CSMD2: variants seen among roughly 807,000 people sequenced by gnomAD.
CSMD2 encodes the protein CUB and Sushi multiple domains 2, also known as CUB and sushi domain-containing protein 2.
A neutral mutation model predicts 398.5 loss-of-function variants in CSMD2; 130 were observed. The observed-to-expected ratio is 0.33, with a 90% CI of 0.28 to 0.38. The LOEUF (loss-of-function observed/expected upper bound fraction) is 0.38. CSMD2 is among the 10% of genes least tolerant of loss of function. The pLI, the probability that CSMD2 is intolerant of heterozygous loss-of-function variation, is 1.00. For missense variants in CSMD2, 3,829 were observed against 4,764.9 expected (o/e 0.80, Z 5.78); for synonymous variants, 1,828 against 1,908.5 (o/e 0.96, Z 1.10).
At chr1:34,093,237 T>C (rs1454995579) in intron 1 of CSMD2, among the ~76,000 whole-genome samples, 3 of 152,002 alleles carry the variant, frequency 2.0e-5, no homozygotes, top group African/African-American at 7.2e-5. Context: ...GAAAGGACAT[T>C]CACAACAAAA....
At chr1:33,550,847 T>C (rs1010860147) in intron 55 of CSMD2, among the ~76,000 whole-genome samples, 4 of 152,170 alleles carry the variant, frequency 2.6e-5, no homozygotes, top group African/African-American at 9.7e-5. Flanking sequence ...TTCCCTTTAC[T>C]AAAATACTGA....
At chr1:33,667,019 G>GT (rs1644340380) in intron 25 of CSMD2, among the ~76,000 whole-genome samples, 1 of 152,206 alleles carries the variant, frequency 6.6e-6, no homozygotes, top group Admixed American at 6.5e-5. Context: ...AGGTGAAGCT[G>GT]TCCGGGAAGA....
At chr1:33,591,902 T>G (rs996464707) in intron 44 of CSMD2, 4 of 164,696 alleles carry the variant, frequency 2.4e-5, no homozygotes, top group African/African-American at 9.6e-5. Flanking sequence ...GAGTATACAC[T>G]TTAAATTTAT....
At chr1:33,691,090 G>T (rs900698617) in intron 25 of CSMD2, among the ~76,000 whole-genome samples, 1 of 152,106 alleles carries the variant, frequency 6.6e-6, no homozygotes, top group African/African-American at 2.4e-5. Context: ...TCCAGAGGAA[G>T]GGCAGAGTAG....
chr1:33,651,924 T>TG (rs375591238), intron 28 of CSMD2, among the ~76,000 whole-genome samples: 81 of 151,116 alleles, frequency 5.4e-4, no homozygotes, highest in East Asian at 9.8e-4. Context: ...GGAGCTAGAT[T>TG]GGGGGGGGTG....
chr1:34,060,163 A>C lies in CSMD2; in HGVS notation c.405-27457T>G, dbSNP rs572134577. The stretch of plus-strand genomic sequence containing the variant: ...AGAGGAAAAGGAGGACCAGCCAAGA[A>C]CAGTCCCCTGGGTCAGGGGAATGAA... On this transcript the variant is annotated intron_variant, in intron 2 of 70. Coordinates refer to ENST00000373381, the MANE Select transcript of CSMD2 (RefSeq NM_001281956.2). Among the ~76,000 whole-genome samples the C allele has an allele frequency of 3.8e-4, 58 of 152,288 alleles. No individual in the cohort carries two copies. The Middle Eastern group carries it at 0.01, about 27-fold the overall frequency.
intron 3 of CSMD2, among the ~76,000 whole-genome samples, chr1:33,996,555 C>G (rs1646732471): frequency 6.6e-6 from 1 of 152,190 alleles, no homozygotes; most frequent in Non-Finnish European, 1.5e-5. Flanking sequence ...GACCCAGGAG[C>G]TTGCATGGAC....
intron 3 of CSMD2, among the ~76,000 whole-genome samples, chr1:33,997,652 T>TGA (rs1209777746): frequency 6.6e-6 from 1 of 152,148 alleles, no homozygotes; most frequent in Non-Finnish European, 1.5e-5. Context: ...ACAAACGTGC[T>TGA]GAGAGCTCAT....
chr1:33,784,940 C>T (rs1047989952), intron 12 of CSMD2, among the ~76,000 whole-genome samples: 1 of 152,196 alleles, frequency 6.6e-6, no homozygotes, highest in East Asian at 1.9e-4. Context: ...TGGGACCACA[C>T]TGGGATTTAC....
chr1:33,716,206 G>A, intron 20 of CSMD2, 80 bp downstream of exon 20: 1 of 1,212,982 alleles, frequency 8.2e-7, no homozygotes, highest in Non-Finnish European at 1.2e-6. Context: ...TATCTGCTAG[G>A]AAAACCAGAG....
intron 1 of CSMD2, among the ~76,000 whole-genome samples, chr1:34,139,553 G>C (rs1230122322): frequency 6.6e-6 from 1 of 152,186 alleles, no homozygotes; most frequent in East Asian, 1.9e-4. Flanking sequence ...ATAGGCTTCA[G>C]ATTTTTGTGG....
At chr1:33,743,835 A>G (rs942069499) in intron 13 of CSMD2, among the ~76,000 whole-genome samples, 2 of 152,198 alleles carry the variant, frequency 1.3e-5, no homozygotes, top group South Asian at 4.1e-4. Context: ...CAGACATGGC[A>G]GAACTGGTCT....
intron 52 of CSMD2, among the ~76,000 whole-genome samples, chr1:33,568,433 C>A (rs866083053): frequency 6.6e-6 from 1 of 152,174 alleles, no homozygotes; most frequent in African/African-American, 2.4e-5. Flanking sequence ...ATGATCCACC[C>A]GCCTTTGCTT....
chr1:33,821,047 C>CA (rs1658086334), intron 7 of CSMD2, among the ~76,000 whole-genome samples: 2 of 152,278 alleles, frequency 1.3e-5, no homozygotes, highest in South Asian at 4.1e-4. Context: ...AAGCTGCAGT[C>CA]AAAGTTCAAA....
intron 1 of CSMD2, among the ~76,000 whole-genome samples, chr1:34,115,639 A>G (rs1366294576): frequency 2.0e-5 from 3 of 152,158 alleles, no homozygotes; most frequent in African/African-American, 4.8e-5. Context: ...ACAAAAATAT[A>G]TAACTCTCTA....
At chr1:33,716,210 A>C in intron 20 of CSMD2, 76 bp downstream of exon 20, 1 of 1,254,634 alleles carries the variant, frequency 8.0e-7, no homozygotes, top group East Asian at 2.3e-5. Flanking sequence ...TGCTAGGAAA[A>C]CCAGAGACTG....
Position 33,527,237 on chromosome 1 carries a change from G to T in CSMD2, c.10193C>A (p.Pro3398His), listed in dbSNP as rs762794065. 4 of 1,613,818 alleles carry T rather than the reference G, an allele frequency of 2.5e-6. No homozygotes were observed. The highest frequency in any genetic ancestry group is 3.4e-6 in the Non-Finnish European group (4 of 1,179,898). ...CGGTGGCTCCCGGGCAGTGTTGATG[G>T]GTCTCCCACTGGGCCGGACCTCTGC... ...ICLEVRPSGR[P>H]INTAREPPLT... is the part of the protein sequence containing the mutation. The change falls in exon 65 of 71, where the codon CCC becomes CAC. Residue 3398 changes from proline to histidine, a missense_variant. Around this residue, in one of 5 missense-constraint regions of CSMD2, gnomAD observed 917 missense variants for 1,199.5 expected, o/e 0.76. Transcript: ENST00000373381.
At position 33,772,449 on chromosome 1, in the gene CSMD2, A is replaced by T. The variant is rs374269896; in HGVS notation, c.1846+120T>A. ...TTCCGAGGAGTAGAATAAACCAACC[A>T]GAGTGCAGCTGTTGTTACAACCTGC... On this transcript the variant is annotated intron_variant, in intron 13 of 70. Coordinates refer to ENST00000373381, the MANE Select transcript of CSMD2 (RefSeq NM_001281956.2). The T allele has an allele frequency of 2.9e-4, 239 of 817,530 alleles. 1 individual carries two copies. The highest frequency in any genetic ancestry group is 4.6e-4 in the Non-Finnish European group (232 of 504,998). The allele number at this position is 817,530 out of a possible 1,614,324, so 50.6% of individuals were successfully genotyped here. A position where few individuals can be genotyped will look rare whatever the true frequency, so the allele number is the denominator to read the frequency against.
chr1:33,710,137 G>A (rs756673129), intron 21 of CSMD2, among the ~76,000 whole-genome samples: 4 of 152,132 alleles, frequency 2.6e-5, no homozygotes, highest in Admixed American at 2.0e-4. Flanking sequence ...GGGCTTGGTC[G>A]TGTTACTGTC....
Sources: allele counts gnomAD v4.1 joint callset (sites outside exome capture counted in the v4.1 genomes callset), GRCh38; gene constraint gnomAD v4.1.1; regional missense constraint gnomAD v4.1.1; transcripts MANE v1.5; gene names NCBI Gene and HGNC (gene_info 2026-07-23, HGNC 2026-07-21).